The following TTLL6 variants were observed in gnomAD, a reference collection of about 807,000 sequenced individuals.
The protein encoded by TTLL6 is tubulin tyrosine ligase like 6, also known as tubulin polyglutamylase TTLL6.
In TTLL6, 75 loss-of-function variants were observed where a neutral mutation model predicts 96.4. That is an observed-to-expected ratio of 0.78 (90% CI 0.65 to 0.94). The LOEUF is 0.94. Among genes scored for constraint, TTLL6 ranks in the 40% least tolerant of loss-of-function variants. The probability of loss-of-function intolerance (pLI) is 0.00; values close to 1 mark genes in which losing one functional copy is unlikely to be tolerated. For missense variants in TTLL6, 1,030 were observed against 1,093.0 expected, an observed-to-expected ratio of 0.94 and a Z score of 0.81; for synonymous variants, 411 against 419.4, an observed-to-expected ratio of 0.98 and a Z score of 0.24.
At chr17:48,793,941 T>C (rs1261606160) in intron 8 of TTLL6, among the ~76,000 whole-genome samples, 1 of 152,046 alleles carries the variant, frequency 6.6e-6, no homozygotes, top group Non-Finnish European at 1.5e-5. Context: ...TTTGGAGTGC[T>C]GCGGTGGAGG....
At chr17:48,802,669 G>A (rs546029552) in intron 3 of TTLL6, among the ~76,000 whole-genome samples, 3 of 152,116 alleles carry the variant, frequency 2.0e-5, no homozygotes, top group East Asian at 1.9e-4. Flanking sequence ...TCAGGAGTTC[G>A]AGACCAGCCT....
intron 13 of TTLL6, among the ~76,000 whole-genome samples, chr17:48,783,147 C>T (rs997484256): frequency 1.3e-4 from 19 of 151,846 alleles, no homozygotes; most frequent in African/African-American, 4.4e-4. Flanking sequence ...GGAGGTGGGG[C>T]GGGGGTGATG....
chr17:48,786,382 G>T, intron 11 of TTLL6, 47 bp from the exon 12 acceptor site: 1 of 1,609,346 alleles, frequency 6.2e-7, no homozygotes, highest in Non-Finnish European at 8.5e-7. Context: ...GAAATGCGCT[G>T]CGCAGGCAGG....
At position 48,786,151 on chromosome 17, in the gene TTLL6, A is replaced by G. The variant is rs1597977515; in HGVS notation, c.1761+13T>C. 1.2e-6 allele frequency: 2 copies of G among 1,613,954 alleles called. No homozygotes were observed. The highest frequency in any genetic ancestry group is 1.7e-5 in the Admixed American group (1 of 60,004). ...GGGTGTGGCTACGTGTGTTCCCCTCAATCCAGGTTTACCTGTTTGGAGGCT... is the reference window on the plus strand; with the variant it reads ...GGGTGTGGCTACGTGTGTTCCCCTCGATCCAGGTTTACCTGTTTGGAGGCT... On this transcript the variant is annotated intron_variant, in intron 12 of 15. Transcript: ENST00000393382.
intron 13 of TTLL6, among the ~76,000 whole-genome samples, chr17:48,781,172 G>A (rs1489792244): frequency 1.3e-5 from 2 of 151,924 alleles, no homozygotes; most frequent in East Asian, 1.9e-4. Flanking sequence ...TCAGCCTCCC[G>A]AGGAGCTGGC....
chr17:48,789,665 C>T, intron 10 of TTLL6, among the ~76,000 whole-genome samples: 1 of 152,144 alleles, frequency 6.6e-6, no homozygotes, highest in Non-Finnish European at 1.5e-5. Flanking sequence ...AGCAATTCTC[C>T]TGCCTCAGTC....
In TTLL6 at chr17:48,770,053, G is replaced by A; in HGVS notation, c.2085C>T (p.Leu695=). Residue 695 remains leucine, a synonymous_variant, in exon 14 of 16, where the codon CTC becomes CTT. Transcript: ENST00000393382. The part of the protein sequence containing the change: ...VETTPESTTQ[L]SISPKSPPTL... Reference sequence around the variant, plus strand: ...TTGGCGGAGACTTTGGGGAGATTGAGAGTTGGGTGGTGGATTCTGGGGTGG... The same window carrying A: ...TTGGCGGAGACTTTGGGGAGATTGAAAGTTGGGTGGTGGATTCTGGGGTGG... The A allele has an allele frequency of 6.2e-7, 1 of 1,613,824 alleles. No individual in the cohort carries two copies. Among genetic ancestry groups the A allele is most frequent in the Admixed American group, 1.7e-5 (1 of 60,002 alleles).
chr17:48,791,249 G>C, intron 9 of TTLL6, 129 bp downstream of exon 9: 2 of 755,026 alleles, frequency 2.6e-6, no homozygotes, highest in South Asian at 3.6e-5. Flanking sequence ...GCCCCAGGCA[G>C]CAGGCACCAT....
intron 13 of TTLL6, among the ~76,000 whole-genome samples, chr17:48,775,888 GTGACCT>G (rs1455159484): frequency 1.3e-5 from 2 of 152,002 alleles, no homozygotes; most frequent in East Asian, 3.9e-4. Context: ...AGGAATAGAA[GTGACCT>G]TTTTCAATCT....
chr17:48,793,718 A>G (rs2039269081), intron 8 of TTLL6, among the ~76,000 whole-genome samples: 2 of 152,174 alleles, frequency 1.3e-5, no homozygotes, highest in Admixed American at 1.3e-4. Flanking sequence ...CCAGCTTCCT[A>G]GCTGTGCGAC....
At chr17:48,794,396 C>G in intron 8 of TTLL6, 1 of 1,477,954 alleles carries the variant, frequency 6.8e-7, no homozygotes, top group Non-Finnish European at 9.0e-7. Flanking sequence ...CACAGAGACC[C>G]TGTGAGGTGG....
intron 8 of TTLL6, among the ~76,000 whole-genome samples, chr17:48,792,061 C>G (rs2039236213): frequency 6.6e-6 from 1 of 152,142 alleles, no homozygotes; most frequent in Non-Finnish European, 1.5e-5. Flanking sequence ...ACACTAATGA[C>G]ACAGAAAACT....
chr17:48,797,266 T>C (rs1597991196), intron 6 of TTLL6, 62 bp from the exon 7 acceptor site: 1 of 1,486,422 alleles, frequency 6.7e-7, no homozygotes. Flanking sequence ...TGAAAATCAC[T>C]AGCTCCCGCC....
intron 11 of TTLL6, 29 bp from the exon 12 acceptor site, chr17:48,786,364 G>A (rs77321038): frequency 1.9e-6 from 3 of 1,614,016 alleles, no homozygotes; most frequent in Non-Finnish European, 2.5e-6. Context: ...TGAACATCAT[G>A]GGGGTTAGAA....
At chr17:48,814,785 A>ATCTT (rs1199432658) in intron 1 of TTLL6, among the ~76,000 whole-genome samples, 1 of 151,940 alleles carries the variant, frequency 6.6e-6, no homozygotes, top group Admixed American at 6.6e-5. Flanking sequence ...GCTTTCTTTT[A>ATCTT]TCTTTCTTTC....
At chr17:48,783,880 T>C (rs1434097774) in intron 13 of TTLL6, among the ~76,000 whole-genome samples, 2 of 152,174 alleles carry the variant, frequency 1.3e-5, no homozygotes, top group East Asian at 3.8e-4. Flanking sequence ...CTGAGAGAGT[T>C]TTCTTTCCTT....
In TTLL6 at chr17:48,817,093, C is replaced by A; in HGVS notation, c.-21G>T. ...CCCATTGGCTGCCAGACAGCCCCAA[C>A]CCCAACCCGCGCTCGCCCTAACTTT... On this transcript the variant is annotated 5_prime_UTR_variant, in exon 1 of 16. Transcript: ENST00000393382. 6.6e-7 allele frequency: 1 copy of A among 1,524,678 alleles called. No homozygotes were observed. The highest frequency in any genetic ancestry group is 1.7e-4 in the Middle Eastern group (1 of 5,912). 94.4% of individuals were successfully genotyped at this position (1,524,678 alleles called of 1,614,324 possible). A position where few individuals can be genotyped will look rare whatever the true frequency, so the allele number is the denominator to read the frequency against.
intron 1 of TTLL6, among the ~76,000 whole-genome samples, chr17:48,811,849 C>T (rs1254607114): frequency 6.6e-6 from 1 of 152,116 alleles, no homozygotes. Context: ...AGGCACCTGT[C>T]ACCATGCCGG....
In TTLL6 at chr17:48,786,283, T is replaced by G. The variant is rs1373152885; in HGVS notation, c.1642A>C (p.Lys548Gln). 6.2e-7 allele frequency: 1 copy of G among 1,614,226 alleles called. No homozygotes were observed. Among genetic ancestry groups the G allele is most frequent in the Non-Finnish European group, 8.5e-7 (1 of 1,180,052 alleles). ...LKREKKPFQMKKKVEMQGESA... is the reference protein window; with the variant it reads ...LKREKKPFQMQKKVEMQGESA... Reference sequence around the variant, plus strand: ...TCCCCCTGCATCTCTACCTTCTTCTTCATTTGGAAGGGCTTTTTCTCCCGT... The same window carrying G: ...TCCCCCTGCATCTCTACCTTCTTCTGCATTTGGAAGGGCTTTTTCTCCCGT... Residue 548 changes from lysine to glutamine, a missense_variant, in exon 12 of 16, where the codon AAG (lysine) becomes CAG (glutamine). Transcript: ENST00000393382.
Sources: gnomAD v4.1 joint callset for allele counts (sites outside exome capture counted in the v4.1 genomes callset) on GRCh38, gnomAD v4.1.1 for gene constraint, MANE v1.5 for transcripts, NCBI Gene and HGNC (gene_info 2026-07-23, HGNC 2026-07-21) for gene names.